AHRR: variants seen among roughly 807,000 people sequenced by gnomAD.
The protein encoded by AHRR is aryl hydrocarbon receptor repressor.
AHRR carries 28 observed loss-of-function variants against 44.0 expected under a neutral mutation model. That is an observed-to-expected ratio of 0.64 (90% CI 0.47 to 0.87). The LOEUF is 0.87. AHRR is among the 40% of genes least tolerant of loss of function. The pLI, the probability that AHRR is intolerant of heterozygous loss-of-function variation, is 0.00. For missense variants in AHRR, 990 were observed against 953.9 expected, an observed-to-expected ratio of 1.04 and a Z score of -0.50; for synonymous variants, 434 against 407.0, an observed-to-expected ratio of 1.07 and a Z score of -0.80.
chr5:333,985 G>C (rs1352131732), intron 1 of AHRR, among the ~76,000 whole-genome samples: 1 of 152,120 alleles, frequency 6.6e-6, no homozygotes, highest in Non-Finnish European at 1.5e-5. Flanking sequence ...GGTTAGTCTT[G>C]CTGGATATCA....
At position 388,268 on chromosome 5, in the gene AHRR, C is replaced by G. The variant is rs570281555; in HGVS notation, c.351+11552C>G. 6.6e-6 allele frequency among the ~76,000 whole-genome samples: 1 copy of G among 152,200 alleles called. No homozygotes were observed. The highest frequency in any genetic ancestry group is 1.5e-5 in the Non-Finnish European group (1 of 68,040). On this transcript the variant is annotated intron_variant, in intron 4 of 10. Coordinates refer to ENST00000684583, the MANE Select transcript of AHRR (RefSeq NM_001377236.1). This position sits in a 1 kb window ranked among gnomAD's most constrained non-coding sequence, Gnocchi z 5.2. ...GTTGGGGCAGAAACTCAGGCCTCCC[C>G]CCGTCCCGAACCCAAGCCCTGAACT...
At chr5:432,998 C>T (rs1392967262) in intron 10 of AHRR, 51 bp downstream of exon 10, 11 of 1,513,656 alleles carry the variant, frequency 7.3e-6, no homozygotes, top group Middle Eastern at 1.9e-4. Flanking sequence ...CCTAAGTCAC[C>T]GTGGAGGCCA....
intron 5 of AHRR, chr5:421,256 C>T (rs1736099591): frequency 1.4e-6 from 1 of 697,398 alleles, no homozygotes; most frequent in Non-Finnish European, 2.6e-6. Context: ...AGCCACGGAG[C>T]GGATGCCGTG....
rs1053900720 is a variant in AHRR, at chr5:421,152, G to C, written c.442-1577G>C. 3 of 573,424 alleles carry C rather than the reference G, an allele frequency of 5.2e-6. No homozygotes were observed. In the African/African-American group the frequency reaches 6.0e-5, roughly 12 times the overall value. The allele number at this position is 573,424 out of a possible 1,614,324, so 35.5% of individuals were successfully genotyped here. ...CCTTAACTGGAAGAGGAGCCGCCCC[G>C]CCTGGGAGGCCGCTCTGGCGCCCGG... On this transcript the variant is annotated intron_variant, in intron 5 of 10. Transcript: ENST00000684583.
chr5:391,331 AGGGCGAGGCGGGCG>A (rs1734416758), intron 4 of AHRR, among the ~76,000 whole-genome samples: 1 of 130,468 alleles, frequency 7.7e-6, no homozygotes, highest in African/African-American at 2.8e-5. Context: ...GCACGGGCGC[AGGGCGAGGCGGGCG>A]CAGGGCGAGG....
At chr5:396,858 C>T (rs999226908) in intron 4 of AHRR, among the ~76,000 whole-genome samples, 6 of 152,000 alleles carry the variant, frequency 3.9e-5, no homozygotes, top group South Asian at 2.1e-4. Flanking sequence ...TGGGGACCCC[C>T]GCCCAGCTGG....
chr5:333,215 G>A (rs1045377497), intron 1 of AHRR, among the ~76,000 whole-genome samples: 2 of 152,166 alleles, frequency 1.3e-5, no homozygotes, highest in Admixed American at 6.5e-5. Context: ...GCCTATGTGT[G>A]CCTTTAGTGG....
chr5:322,558 A>C (rs1341018821), intron 1 of AHRR: 1 of 151,828 alleles, frequency 6.6e-6, no homozygotes, highest in Non-Finnish European at 1.5e-5. Context: ...GGGTTCTTGC[A>C]GAAGGGTGGG....
At position 413,368 on chromosome 5, in the gene AHRR, G is replaced by GT; in HGVS notation, c.377dup (p.Ser127GlufsTer31). 1 of 1,612,590 alleles carries GT rather than the reference G, an allele frequency of 6.2e-7. No individual in the cohort carries two copies. Among genetic ancestry groups the GT allele is most frequent in the African/African-American group, 1.3e-5 (1 of 74,812 alleles). On this transcript the variant is annotated frameshift_variant, in exon 5 of 11. Transcript: ENST00000684583. ...GTCTCTTAATGGCTTTGCTCTGGTC[G>GT]TGAGTGCAGAAGGGACGATATTTTA...
rs190095791 is a variant in AHRR, at chr5:326,129, A to T, written c.-11+4310A>T. On this transcript the variant is annotated intron_variant, in intron 1 of 10. Transcript: ENST00000684583. This position sits in a 1 kb window ranked among gnomAD's most constrained non-coding sequence, Gnocchi z 4.1. ...GCAAAATGCACATAACATCAAACTA[A>T]CCATTTAAAAGTGAACAGTTCAGGG... Among the ~76,000 whole-genome samples the T allele has an allele frequency of 2.5e-4, 38 of 152,208 alleles. No individual in the cohort carries two copies. The highest frequency in any genetic ancestry group is 5.1e-4 in the Non-Finnish European group (35 of 68,000).
At chr5:351,236 C>T (rs1742848073) in intron 2 of AHRR, among the ~76,000 whole-genome samples, 1 of 152,216 alleles carries the variant, frequency 6.6e-6, no homozygotes, top group Non-Finnish European at 1.5e-5. Flanking sequence ...TATGACCCAG[C>T]AACTCTACTG....
chr5:389,231 A>G (rs545859832), intron 4 of AHRR, among the ~76,000 whole-genome samples: 4 of 152,074 alleles, frequency 2.6e-5, no homozygotes, highest in African/African-American at 9.6e-5. Flanking sequence ...CTGGGGCTGG[A>G]CAGTGAGCCG....
chr5:362,023 A>G (rs1356627114), intron 3 of AHRR, among the ~76,000 whole-genome samples: 1 of 152,214 alleles, frequency 6.6e-6, no homozygotes, highest in East Asian at 1.9e-4. Context: ...TAAAACTCAT[A>G]TGTTGAAGCC....
chr5:355,238 G>A (rs1297850416), intron 3 of AHRR, among the ~76,000 whole-genome samples: 1 of 152,112 alleles, frequency 6.6e-6, no homozygotes, highest in African/African-American at 2.4e-5. Flanking sequence ...TTCCAGGAGG[G>A]TTAAGATGTG....
chr5:403,015 G>C (rs956645397), intron 4 of AHRR, among the ~76,000 whole-genome samples: 2 of 152,154 alleles, frequency 1.3e-5, no homozygotes, highest in African/African-American at 4.8e-5. Flanking sequence ...AGAGTCAGTG[G>C]TTACCAGGGG....
In AHRR at chr5:391,177, A is replaced by G. The variant is rs114575400; in HGVS notation, c.351+14461A>G. Among the ~76,000 whole-genome samples the G allele has an allele frequency of 3.8e-3, 585 of 152,340 alleles. 5 individuals are homozygous for G. The highest frequency in any genetic ancestry group is 0.014 in the African/African-American group (562 of 41,580). ...AGTACCTGGGAAAACTAAGTCAGCA[A>G]AGATGCAAGCAACTCCAGGCCAACA... is the stretch of plus-strand genomic sequence containing the variant. On this transcript the variant is annotated intron_variant, in intron 4 of 10. Coordinates refer to ENST00000684583, the MANE Select transcript of AHRR (RefSeq NM_001377236.1).
At chr5:426,245 G>A (rs1354669522) in intron 7 of AHRR, among the ~76,000 whole-genome samples, 2 of 152,178 alleles carry the variant, frequency 1.3e-5, no homozygotes, top group Admixed American at 6.5e-5. Context: ...TGGATAGATG[G>A]GAAGATGGAT....
chr5:437,244 T>C lies in AHRR; in HGVS notation c.*2410T>C, dbSNP rs144339950. The C allele has an allele frequency of 6.6e-6, 1 of 152,486 alleles. No individual in the cohort carries two copies. The highest frequency in any genetic ancestry group is 2.4e-5 in the African/African-American group (1 of 41,580). The allele number at this position is 152,486 out of a possible 1,614,324, so 9.4% of individuals were successfully genotyped here. On this transcript the variant is annotated 3_prime_UTR_variant, in exon 11 of 11. Coordinates refer to ENST00000684583, the MANE Select transcript of AHRR (RefSeq NM_001377236.1). ...CTGAAAAAGTCTCAATCAACATGCA[T>C]GTTCCACTCTTGGAGTTCCCTGTTC...
At chr5:403,841 A>G in intron 4 of AHRR, 1 of 1,566,594 alleles carries the variant, frequency 6.4e-7, no homozygotes, top group East Asian at 2.2e-5. Context: ...TTTTTGCTCA[A>G]AGGACAAAGA....
Sources: gnomAD v4.1 joint callset for allele counts (sites outside exome capture counted in the v4.1 genomes callset) on GRCh38, gnomAD v4.1.1 for gene constraint, Gnocchi (gnomAD v3.1) non-coding constraint, MANE v1.5 for transcripts, NCBI Gene and HGNC (gene_info 2026-07-23, HGNC 2026-07-21) for gene names.